The following PTPRN2 variants were observed in gnomAD, a reference collection of about 807,000 sequenced individuals.
The protein encoded by PTPRN2 is receptor-type tyrosine-protein phosphatase N2.
A neutral mutation model predicts 118.8 loss-of-function variants in PTPRN2; 74 were observed. The observed-to-expected ratio is 0.62, with a 90% CI of 0.52 to 0.76. The LOEUF is 0.76. Ranked by LOEUF, PTPRN2 falls within the 30% of genes least tolerant of loss-of-function variation. The probability of loss-of-function intolerance (pLI) is 0.00; values close to 1 mark genes in which losing one functional copy is unlikely to be tolerated. For missense variants in PTPRN2, 1,481 were observed against 1,394.4 expected, an observed-to-expected ratio of 1.06 and a Z score of -0.99; for synonymous variants, 641 against 608.0, an observed-to-expected ratio of 1.05 and a Z score of -0.80.
At chr7:157,789,321 C>T (rs911414477) in intron 12 of PTPRN2, among the ~76,000 whole-genome samples, 6 of 152,216 alleles carry the variant, frequency 3.9e-5, no homozygotes, top group African/African-American at 1.2e-4. Flanking sequence ...TTCTAAGCTG[C>T]CTGTTGGGCA....
At chr7:158,224,959 C>T (rs1035938055) in intron 3 of PTPRN2, among the ~76,000 whole-genome samples, 3 of 152,038 alleles carry the variant, frequency 2.0e-5, no homozygotes, top group Non-Finnish European at 2.9e-5. Context: ...AATAACCACA[C>T]GAAGAGATGC....
rs146974215 is a variant in PTPRN2 at position 157,572,105 on chromosome 7, A to G, written c.2784-612T>C. On this transcript the variant is annotated intron_variant, in intron 19 of 22. Coordinates refer to ENST00000389418, the MANE Select transcript of PTPRN2 (RefSeq NM_002847.5). Reference sequence around the variant, plus strand: ...GTGCAGAGTTTAGATCAGAAGTTGTAAAAATTAGAAATGAGCATATATTTA... The same window carrying G: ...GTGCAGAGTTTAGATCAGAAGTTGTGAAAATTAGAAATGAGCATATATTTA... 3.1e-4 allele frequency among the ~76,000 whole-genome samples: 47 copies of G among 152,360 alleles called. No individual in the cohort carries two copies. In the East Asian group the frequency reaches 8.5e-3, roughly 27 times the overall value.
chr7:158,192,746 A>C (rs1825881350), intron 4 of PTPRN2, among the ~76,000 whole-genome samples: 1 of 152,152 alleles, frequency 6.6e-6, no homozygotes, highest in South Asian at 2.1e-4. Flanking sequence ...CTGAGAGCAG[A>C]AGACAGGAAG....
chr7:158,362,494 G>T (rs1161117093), intron 2 of PTPRN2, among the ~76,000 whole-genome samples: 2 of 152,206 alleles, frequency 1.3e-5, no homozygotes, highest in Non-Finnish European at 2.9e-5. Context: ...GGACTTTGTG[G>T]GATAACTCAG....
intron 1 of PTPRN2, among the ~76,000 whole-genome samples, chr7:158,521,121 T>C (rs1304998392): frequency 6.6e-6 from 1 of 152,282 alleles, no homozygotes; most frequent in Non-Finnish European, 1.5e-5. Flanking sequence ...GCTGGAATGC[T>C]GTCTGCGTAG....
At chr7:158,304,704 G>C (rs1338742899) in intron 3 of PTPRN2, among the ~76,000 whole-genome samples, 3 of 152,232 alleles carry the variant, frequency 2.0e-5, no homozygotes, top group South Asian at 4.1e-4. Flanking sequence ...TAAGGACTGG[G>C]AATCGGTAGA....
intron 2 of PTPRN2, among the ~76,000 whole-genome samples, chr7:158,454,225 A>G (rs56393354): frequency 0.029 from 3,865 of 132,306 alleles, 70 homozygotes; most frequent in Non-Finnish European, 0.044. Context: ...TGGTTGCTAC[A>G]GAGGACAGAC....
chr7:158,387,433 G>C (rs956798836), intron 2 of PTPRN2, among the ~76,000 whole-genome samples: 2 of 152,286 alleles, frequency 1.3e-5, no homozygotes, highest in Non-Finnish European at 1.5e-5. Flanking sequence ...GGCAGATGGT[G>C]ACCACAAAGA....
chr7:158,026,151 C>T (rs1035317345), intron 11 of PTPRN2, among the ~76,000 whole-genome samples: 7 of 152,346 alleles, frequency 4.6e-5, no homozygotes, highest in East Asian at 1.9e-4. Context: ...CGGTGAGCTT[C>T]GCATGCTAAT....
chr7:158,476,601 G>C (rs1206596329), intron 2 of PTPRN2, among the ~76,000 whole-genome samples: 1 of 152,364 alleles, frequency 6.6e-6, no homozygotes, highest in East Asian at 1.9e-4. Flanking sequence ...CACCCTGTCT[G>C]TGCCGCCAAG....
chr7:158,529,209 C>A lies in PTPRN2; in HGVS notation c.113-39424G>T, dbSNP rs747339766. 6.6e-6 allele frequency among the ~76,000 whole-genome samples: 1 copy of A among 152,248 alleles called. No individual in the cohort carries two copies. Among genetic ancestry groups the A allele is most frequent in the African/African-American group, 2.4e-5 (1 of 41,466 alleles). ...CACCTGGTGGGCACTAAGCACCCGT[C>A]GCTGTTGGTCCTGGGGCTAACGCTG... is the stretch of plus-strand genomic sequence containing the variant. On this transcript the variant is annotated intron_variant, in intron 1 of 22. Coordinates refer to ENST00000389418, the MANE Select transcript of PTPRN2 (RefSeq NM_002847.5). This position sits in a 1 kb window ranked among gnomAD's most constrained non-coding sequence, Gnocchi z 4.7.
intron 2 of PTPRN2, among the ~76,000 whole-genome samples, chr7:158,444,660 G>A (rs1435707552): frequency 6.6e-6 from 1 of 152,156 alleles, no homozygotes; most frequent in East Asian, 1.9e-4. Flanking sequence ...TCGCCAGAAC[G>A]TCTCAGGAAA....
intron 14 of PTPRN2, among the ~76,000 whole-genome samples, chr7:157,637,710 G>A (rs1342695019): frequency 1.3e-5 from 2 of 152,194 alleles, no homozygotes; most frequent in Non-Finnish European, 2.9e-5. Flanking sequence ...CTCCACTGAT[G>A]ACGACAGTGG....
intron 6 of PTPRN2, among the ~76,000 whole-genome samples, chr7:158,145,673 T>G (rs899333615): frequency 6.6e-6 from 1 of 152,252 alleles, no homozygotes; most frequent in South Asian, 2.1e-4. Context: ...CTGCCGTGGC[T>G]GCAGCTGCCT....
intron 12 of PTPRN2, among the ~76,000 whole-genome samples, chr7:157,762,593 G>T (rs1373081296): frequency 2.4e-5 from 3 of 122,742 alleles, no homozygotes; most frequent in African/African-American, 9.4e-5. Context: ...GGGGACTGTT[G>T]TGGGGTGGGG....
At chr7:158,063,307 G>A (rs1233877144) in intron 11 of PTPRN2, among the ~76,000 whole-genome samples, 5 of 152,184 alleles carry the variant, frequency 3.3e-5, no homozygotes, top group Non-Finnish European at 7.3e-5. Context: ...AGCACTCTGT[G>A]TCTAGCTCAA....
chr7:157,822,484 T>A (rs2151142660), intron 12 of PTPRN2, among the ~76,000 whole-genome samples: 1 of 152,014 alleles, frequency 6.6e-6, no homozygotes, highest in East Asian at 1.9e-4. Flanking sequence ...ATCTATATGC[T>A]ATCCATCATC....
chr7:158,133,937 C>T lies in PTPRN2; in HGVS notation c.1296G>A (p.Glu432=), dbSNP rs1453256910. ...DMERKKSEHP[E]SSLSSEEETA... Reference sequence around the variant, plus strand: ...TCTCCTCTTCTGAAGACAGGGAAGACTCAGGGTGCTCGGACTTCTTCCTCT... The same window carrying T: ...TCTCCTCTTCTGAAGACAGGGAAGATTCAGGGTGCTCGGACTTCTTCCTCT... The change falls in exon 9 of 23, where the codon GAG becomes GAA. Residue 432 remains glutamate (E), a synonymous_variant. Coordinates refer to ENST00000389418, the MANE Select transcript of PTPRN2 (RefSeq NM_002847.5). 1 of 1,614,028 alleles carries T rather than the reference C, an allele frequency of 6.2e-7. No homozygotes were observed. The highest frequency in any genetic ancestry group is 1.1e-5 in the South Asian group (1 of 91,088).
At chr7:157,810,361 G>C (rs1012880689) in intron 12 of PTPRN2, among the ~76,000 whole-genome samples, 2 of 152,202 alleles carry the variant, frequency 1.3e-5, no homozygotes, top group African/African-American at 2.4e-5. Flanking sequence ...GCTATGCCAG[G>C]CTGGGCTAGA....
Sources: gnomAD v4.1 joint callset for allele counts (sites outside exome capture counted in the v4.1 genomes callset) on GRCh38, gnomAD v4.1.1 for gene constraint, Gnocchi (gnomAD v3.1) non-coding constraint, MANE v1.5 for transcripts, NCBI Gene and HGNC (gene_info 2026-07-23, HGNC 2026-07-21) for gene names.